CMTM7: variants seen among roughly 807,000 people sequenced by gnomAD.
CMTM7 encodes CKLF-like MARVEL transmembrane domain-containing protein 7.
In CMTM7, 7 loss-of-function variants were observed where a neutral mutation model predicts 19.3. The ratio of observed to expected loss-of-function variants is 0.36; its 90% CI spans 0.21 to 0.68. The LOEUF (loss-of-function observed/expected upper bound fraction) is 0.68, where lower values mean the gene tolerates loss of function less well. Ranked by LOEUF, CMTM7 falls within the 30% of genes least tolerant of loss-of-function variation. CMTM7 has a pLI of 0.60. For synonymous variants in CMTM7, 87 were observed against 99.3 expected (o/e 0.88, Z 0.74); for missense variants, 193 against 232.6 (o/e 0.83, Z 1.11).
chr3:32,404,006 T>C (rs1263972332), intron 1 of CMTM7, among the ~76,000 whole-genome samples: 9 of 152,130 alleles, frequency 5.9e-5, no homozygotes, highest in Admixed American at 5.9e-4. Flanking sequence ...CCAACGTTAT[T>C]ATTATCTTCA....
At chr3:32,397,641 G>A (rs1695938151) in intron 1 of CMTM7, among the ~76,000 whole-genome samples, 1 of 152,092 alleles carries the variant, frequency 6.6e-6, no homozygotes, top group South Asian at 2.1e-4. Flanking sequence ...GGCTGAGGCA[G>A]GGGAATCTCT....
rs565438260 is a variant in CMTM7, at chr3:32,449,086, G to A, written c.334-368G>A. 3.6e-4 allele frequency among the ~76,000 whole-genome samples: 55 copies of A among 152,340 alleles called. No individual in the cohort carries two copies. Among genetic ancestry groups the A allele is most frequent in the African/African-American group, 1.2e-3 (51 of 41,586 alleles). ...GGAGCTTTGTTTAAACTCTCCAGCCGGGAAGTTGCAAGAAGCTCGTTTGCT... is the reference window on the plus strand; with the variant it reads ...GGAGCTTTGTTTAAACTCTCCAGCCAGGAAGTTGCAAGAAGCTCGTTTGCT... On this transcript the variant is annotated intron_variant, in intron 2 of 4. Coordinates refer to ENST00000334983, the MANE Select transcript of CMTM7 (RefSeq NM_138410.4). The surrounding 1 kb of genome is among the most constrained non-coding windows in gnomAD (Gnocchi z 4.5).
At chr3:32,425,715 G>A (rs1696421492) in intron 1 of CMTM7, among the ~76,000 whole-genome samples, 1 of 152,148 alleles carries the variant, frequency 6.6e-6, no homozygotes, top group Non-Finnish European at 1.5e-5. Context: ...TGGAATTAAG[G>A]AAACACATTG....
rs142565885 is a variant in CMTM7, at chr3:32,441,983, C to T, written c.303C>T (p.Arg101=). ...TGGTCCACCTCTTCCGCTTCTACCG[C>T]GTGCTCACCTGTATCAGCTGGCCCC... The part of the protein sequence containing the change: ...FYLVHLFRFY[R]VLTCISWPLS... The change falls in exon 2 of 5, where the codon CGC becomes CGT. Residue 101 remains arginine, a synonymous_variant. Transcript: ENST00000334983. 15 of 1,614,186 alleles carry T rather than the reference C, an allele frequency of 9.3e-6. No individual in the cohort carries two copies. The highest frequency in any genetic ancestry group is 6.7e-5 in the African/African-American group (5 of 75,046).
Position 32,393,720 on chromosome 3 carries a change from G to A in CMTM7, c.159+1655G>A, listed in dbSNP as rs545428525. ...TGAGAGGATTGATTGAACTGAGAAG[G>A]TCAGTGAACTGTGCCACTGCACTAG... is the stretch of plus-strand genomic sequence containing the variant. On this transcript the variant is annotated intron_variant, in intron 1 of 4. Transcript: ENST00000334983. Among the ~76,000 whole-genome samples, 390 of 148,390 alleles carry A rather than the reference G, an allele frequency of 2.6e-3. 4 individuals are homozygous for A. The highest frequency in any genetic ancestry group is 8.9e-3 in the African/African-American group (352 of 39,766).
At chr3:32,430,714 T>TGTGTGTGTGTGTGTGTGTGTGTGAGA in intron 1 of CMTM7, among the ~76,000 whole-genome samples, 1 of 149,714 alleles carries the variant, frequency 6.7e-6, no homozygotes, top group African/African-American at 2.5e-5. Context: ...TGTGTGTGTG[T>TGTGTGTGTGTGTGTGTGTGTGTGAGA]GACACAGCTC....
intron 1 of CMTM7, among the ~76,000 whole-genome samples, chr3:32,407,182 A>G (rs964578847): frequency 3.3e-5 from 5 of 152,160 alleles, no homozygotes; most frequent in Admixed American, 6.5e-5. Context: ...TTGGGGACAT[A>G]CAAATCTGAC....
At chr3:32,444,506 ATTC>A (rs1227117258) in intron 2 of CMTM7, among the ~76,000 whole-genome samples, 1 of 152,160 alleles carries the variant, frequency 6.6e-6, no homozygotes, top group Non-Finnish European at 1.5e-5. Flanking sequence ...CCTCCCAATT[ATTC>A]TTCTTTTTTA....
chr3:32,454,186 T>G (rs1696876207), intron 4 of CMTM7, 55 bp from the exon 5 acceptor site: 2 of 1,553,018 alleles, frequency 1.3e-6, no homozygotes, highest in African/African-American at 2.7e-5. Flanking sequence ...GGAGTGTGGC[T>G]TGTGGGTGGG....
At chr3:32,400,290 G>C (rs1360961507) in intron 1 of CMTM7, among the ~76,000 whole-genome samples, 3 of 152,058 alleles carry the variant, frequency 2.0e-5, no homozygotes, top group African/African-American at 7.2e-5. Context: ...AAAGTGCTAG[G>C]ATTACAGGCG....
chr3:32,417,810 T>C (rs896625585), intron 1 of CMTM7, among the ~76,000 whole-genome samples: 1 of 129,436 alleles, frequency 7.7e-6, no homozygotes, highest in African/African-American at 2.8e-5. Flanking sequence ...GTGGTTTGTT[T>C]TTGGTTTTTT....
At chr3:32,442,096 C>G in intron 2 of CMTM7, 83 bp downstream of exon 2, 2 of 1,304,072 alleles carry the variant, frequency 1.5e-6, no homozygotes, top group Non-Finnish European at 2.2e-6. Flanking sequence ...GAGTTTTTCC[C>G]GTCTGCCCAT....
In CMTM7 at chr3:32,449,502, A is replaced by G. The variant is rs1267985694; in HGVS notation, c.382A>G (p.Ile128Val). The G allele has an allele frequency of 6.2e-7, 1 of 1,614,112 alleles. No homozygotes were observed. The highest frequency in any genetic ancestry group is 1.7e-5 in the Admixed American group (1 of 60,014). ...IGTLLLLIAS[I>V]VAASKSYNQS... ...TACCCTGCTCCTCCTCATCGCCTCCATTGTGGCAGCTTCCAAGAGTTACAA... is the reference window on the plus strand; with the variant it reads ...TACCCTGCTCCTCCTCATCGCCTCCGTTGTGGCAGCTTCCAAGAGTTACAA... Residue 128 changes from isoleucine (I) to valine (V), a missense_variant, in exon 3 of 5, where the codon ATT (isoleucine) becomes GTT (valine). Ile to Val is a conservative substitution (Grantham distance 29). Coordinates refer to ENST00000334983, the MANE Select transcript of CMTM7 (RefSeq NM_138410.4). The surrounding 1 kb of genome is among the most constrained non-coding windows in gnomAD (Gnocchi z 4.5).
chr3:32,399,116 A>G (rs1448006434), intron 1 of CMTM7, among the ~76,000 whole-genome samples: 1 of 152,216 alleles, frequency 6.6e-6, no homozygotes, highest in Non-Finnish European at 1.5e-5. Flanking sequence ...ACCAGACTCC[A>G]GGGTCTGCCA....
intron 3 of CMTM7, among the ~76,000 whole-genome samples, chr3:32,450,039 C>T (rs1696807694): frequency 6.6e-6 from 1 of 152,102 alleles, no homozygotes. Context: ...AAAAATTGAT[C>T]CATCTGATAG....
At chr3:32,416,378 T>A (rs1451486019) in intron 1 of CMTM7, among the ~76,000 whole-genome samples, 2 of 97,018 alleles carry the variant, frequency 2.1e-5, no homozygotes, top group African/African-American at 8.6e-5. Flanking sequence ...TTTTTTTTTT[T>A]TTTTTTTTTT....
intron 1 of CMTM7, among the ~76,000 whole-genome samples, chr3:32,419,283 TTAG>T (rs1381909891): frequency 6.6e-6 from 1 of 152,250 alleles, no homozygotes; most frequent in African/African-American, 2.4e-5. Flanking sequence ...AAGGAGGTTT[TTAG>T]TAGATTCTTT....
At chr3:32,412,657 A>G (rs1696195992) in intron 1 of CMTM7, among the ~76,000 whole-genome samples, 1 of 152,090 alleles carries the variant, frequency 6.6e-6, no homozygotes, top group Non-Finnish European at 1.5e-5. Context: ...AAATATGAAT[A>G]GGGAAACATT....
At position 32,449,440 on chromosome 3, in the gene CMTM7, G is replaced by T. The variant is rs1696797993; in HGVS notation, c.334-14G>T. The T allele has an allele frequency of 1.9e-6, 3 of 1,601,422 alleles. No homozygotes were observed. Among genetic ancestry groups the T allele is most frequent in the African/African-American group, 1.3e-5 (1 of 74,618 alleles). On this transcript the variant is annotated splice_polypyrimidine_tract_variant and intron_variant, in intron 2 of 4. Transcript: ENST00000334983. The surrounding 1 kb of genome is among the most constrained non-coding windows in gnomAD (Gnocchi z 4.5). The stretch of plus-strand genomic sequence containing the variant: ...ACGGCCCTACCCACTTATTTGCTTT[G>T]TTTCTGCCCCCAGGAACTTCTGCAC...
Sources: gnomAD v4.1 joint callset for allele counts (sites outside exome capture counted in the v4.1 genomes callset) on GRCh38, gnomAD v4.1.1 for gene constraint, Gnocchi (gnomAD v3.1) non-coding constraint, MANE v1.5 for transcripts, NCBI Gene and HGNC (gene_info 2026-07-23, HGNC 2026-07-21) for gene names.